Variants in RAPGEF2 observed in about 807,000 individuals in gnomAD.
The protein encoded by RAPGEF2 is PDZ domain containing guanine nucleotide exchange factor (GEF) 1.
A neutral mutation model predicts 186.7 loss-of-function variants in RAPGEF2; 54 were observed. That is an observed-to-expected ratio of 0.29 (90% CI 0.23 to 0.36). The LOEUF (loss-of-function observed/expected upper bound fraction) is 0.36. Ranked by LOEUF, RAPGEF2 falls within the 10% of genes least tolerant of loss-of-function variation. The pLI is 1.00. For synonymous variants in RAPGEF2, 712 were observed against 705.9 expected, an observed-to-expected ratio of 1.01 and a Z score of -0.14; for missense variants, 1,532 against 2,045.0, an observed-to-expected ratio of 0.75 and a Z score of 4.84.
At chr4:159,321,399 G>A (rs79433860) in intron 9 of RAPGEF2, among the ~76,000 whole-genome samples, 2,916 of 151,870 alleles carry the variant, frequency 0.019, 116 homozygotes, top group African/African-American at 0.067. Context: ...GTAGAGATAG[G>A]GTCTTGCCAC....
chr4:159,188,323 C>T (rs531723742), intron 2 of RAPGEF2, among the ~76,000 whole-genome samples: 2 of 152,000 alleles, frequency 1.3e-5, no homozygotes, highest in South Asian at 4.1e-4. Flanking sequence ...GAATTCTATG[C>T]AATAGAAAAA....
At chr4:159,192,924 T>C (rs146774289) in intron 2 of RAPGEF2, among the ~76,000 whole-genome samples, 3 of 152,298 alleles carry the variant, frequency 2.0e-5, no homozygotes, top group Non-Finnish European at 2.9e-5. Context: ...ATTTACAAAA[T>C]AGAAAATACA....
At chr4:159,156,538 G>C (rs564255429) in intron 1 of RAPGEF2, among the ~76,000 whole-genome samples, 87 of 152,056 alleles carry the variant, frequency 5.7e-4, no homozygotes, top group African/African-American at 2.0e-3. Flanking sequence ...CAATGTGCAG[G>C]TTTGATACAT....
intron 11 of RAPGEF2, chr4:159,326,747 CT>C (rs139557298): frequency 0.022 from 3,302 of 152,422 alleles, 62 homozygotes; most frequent in Non-Finnish European, 0.035. Context: ...ACATGTACCT[CT>C]TTCTTTTCTT....
chr4:159,130,960 G>A (rs1740986539), intron 1 of RAPGEF2, among the ~76,000 whole-genome samples: 1 of 152,114 alleles, frequency 6.6e-6, no homozygotes, highest in Non-Finnish European at 1.5e-5. Flanking sequence ...TCTGCCCAAA[G>A]TGCTGGGATT....
chr4:159,255,255 G>C (rs1756012209), intron 7 of RAPGEF2, among the ~76,000 whole-genome samples: 1 of 152,062 alleles, frequency 6.6e-6, no homozygotes, highest in South Asian at 2.1e-4. Context: ...TCATTCTGTC[G>C]TTATGATGTG....
At chr4:159,294,634 T>TCTTCCTTCCTTC (rs1207452261) in intron 7 of RAPGEF2, among the ~76,000 whole-genome samples, 9,816 of 132,698 alleles carry the variant, frequency 0.074, 607 homozygotes, top group East Asian at 0.22. Context: ...AGCTTCCATT[T>TCTTCCTTCCTTC]CTTCCTTCCT....
chr4:159,352,697 C>T lies in RAPGEF2; in HGVS notation c.3878C>T (p.Ala1293Val), dbSNP rs546918296. The change falls in exon 27 of 30, where the codon GCT becomes GTT. Residue 1293 changes from alanine to valine, a missense_variant. Physicochemically the swap from Ala to Val is moderately conservative, Grantham distance 64. Around this residue, in one of 4 missense-constraint regions of RAPGEF2, gnomAD observed 594 missense variants for 608.5 expected, o/e 0.98. Transcript: ENST00000691494. ...ATTTCTCATGCAGGCTATACTTTGGCTCCCAGTGGTACTGTGGATAATTTT... is the reference window on the plus strand; with the variant it reads ...ATTTCTCATGCAGGCTATACTTTGGTTCCCAGTGGTACTGTGGATAATTTT... ...QSSPRKGYTL[A>V]PSGTVDNFSD... is the part of the protein sequence containing the mutation. 1.2e-6 allele frequency: 2 copies of T among 1,612,868 alleles called. No individual in the cohort carries two copies. The highest frequency in any genetic ancestry group is 1.7e-5 in the Admixed American group (1 of 60,020).
At chr4:159,213,663 C>G (rs1750736028) in intron 4 of RAPGEF2, among the ~76,000 whole-genome samples, 1 of 151,856 alleles carries the variant, frequency 6.6e-6, no homozygotes, top group East Asian at 1.9e-4. Flanking sequence ...TTATGTTTTT[C>G]TAATTTTTTT....
chr4:159,243,208 T>C (rs1754221024), intron 6 of RAPGEF2, among the ~76,000 whole-genome samples: 1 of 151,902 alleles, frequency 6.6e-6, no homozygotes, highest in Middle Eastern at 3.2e-3. Context: ...ATTGGCTTGA[T>C]TACTAATGGA....
intron 25 of RAPGEF2, among the ~76,000 whole-genome samples, chr4:159,348,904 T>A (rs1417671776): frequency 6.6e-6 from 1 of 152,172 alleles, no homozygotes; most frequent in Non-Finnish European, 1.5e-5. Flanking sequence ...CTACAGGTGT[T>A]CCCCCCACTC....
At chr4:159,305,444 ATT>A (rs1763167758) in intron 8 of RAPGEF2, among the ~76,000 whole-genome samples, 1 of 152,004 alleles carries the variant, frequency 6.6e-6, no homozygotes, top group Admixed American at 6.6e-5. Context: ...GATATTAAGC[ATT>A]TTTTCATATG....
At chr4:159,232,485 T>C (rs1752755888) in intron 4 of RAPGEF2, among the ~76,000 whole-genome samples, 3 of 152,204 alleles carry the variant, frequency 2.0e-5, no homozygotes, top group Admixed American at 2.0e-4. Flanking sequence ...GGCTGAATAA[T>C]ATTCCTTTGT....
chr4:159,263,912 A>T (rs1464765509), intron 7 of RAPGEF2, among the ~76,000 whole-genome samples: 1 of 151,982 alleles, frequency 6.6e-6, no homozygotes, highest in Non-Finnish European at 1.5e-5. Flanking sequence ...ATTTTTTTGG[A>T]GTGTTGTTAC....
chr4:159,152,784 A>AT (rs1004481549), intron 1 of RAPGEF2, among the ~76,000 whole-genome samples: 1 of 151,620 alleles, frequency 6.6e-6, no homozygotes, highest in African/African-American at 2.4e-5. Context: ...CGCCTGGCTA[A>AT]TTTTTTTTGT....
At chr4:159,134,515 TATG>T (rs1299766467) in intron 1 of RAPGEF2, among the ~76,000 whole-genome samples, 2 of 152,340 alleles carry the variant, frequency 1.3e-5, no homozygotes, top group Non-Finnish European at 2.9e-5. Flanking sequence ...TGTTAGGATA[TATG>T]ATAAGTGTAT....
chr4:159,331,141 C>T (rs564315859), intron 13 of RAPGEF2, among the ~76,000 whole-genome samples: 41 of 152,198 alleles, frequency 2.7e-4, no homozygotes, highest in Admixed American at 1.9e-3. Flanking sequence ...TACACCTTTG[C>T]TTTTATTTTG....
chr4:159,309,789 A>G (rs899381741), intron 8 of RAPGEF2, among the ~76,000 whole-genome samples: 1 of 152,220 alleles, frequency 6.6e-6, no homozygotes, highest in African/African-American at 2.4e-5. Flanking sequence ...AGATAGATCA[A>G]TAGAACAGAG....
intron 7 of RAPGEF2, among the ~76,000 whole-genome samples, chr4:159,270,057 T>TA (rs2110804989): frequency 6.6e-6 from 1 of 152,316 alleles, no homozygotes; most frequent in South Asian, 2.1e-4. Context: ...ACACTAGTGA[T>TA]AAAATAACTT....
Sources: allele counts gnomAD v4.1 joint callset (sites outside exome capture counted in the v4.1 genomes callset), GRCh38; gene constraint gnomAD v4.1.1; regional missense constraint gnomAD v4.1.1; transcripts MANE v1.5; gene names NCBI Gene and HGNC (gene_info 2026-07-23, HGNC 2026-07-21).